The following TENM3 variants were observed in gnomAD, a reference collection of about 807,000 sequenced individuals.
The protein encoded by TENM3 is teneurin transmembrane protein 3.
A neutral mutation model predicts 255.1 loss-of-function variants in TENM3; 63 were observed. That is an observed-to-expected ratio of 0.25 (90% CI 0.20 to 0.30). TENM3 has a LOEUF of 0.30. Among genes scored for constraint, TENM3 ranks in the 10% least tolerant of loss-of-function variants. The pLI is 1.00. For synonymous variants in TENM3, 1,306 were observed against 1,322.3 expected (o/e 0.99, Z 0.27); for missense variants, 2,929 against 3,461.1 (o/e 0.85, Z 3.86).
At chr4:182,352,161 A>G (rs1235339376) in intron 3 of TENM3, among the ~76,000 whole-genome samples, 1 of 149,500 alleles carries the variant, frequency 6.7e-6, no homozygotes, top group Non-Finnish European at 1.5e-5. Flanking sequence ...GTGTTCTGGC[A>G]AGATGGAGGA....
At chr4:181,704,341 G>C in the TENM3 span, among the ~76,000 whole-genome samples, 2 of 152,132 alleles carry the variant, frequency 1.3e-5, no homozygotes, top group Non-Finnish European at 2.9e-5. Flanking sequence ...TGTCCCAGGA[G>C]GAATATTGTC....
the TENM3 span, among the ~76,000 whole-genome samples, chr4:181,804,815 T>C: frequency 2.0e-5 from 3 of 152,000 alleles, no homozygotes; most frequent in Non-Finnish European, 4.4e-5. Context: ...TTTGATTCCA[T>C]CCTGGACAAC....
chr4:181,902,317 C>A, the TENM3 span, among the ~76,000 whole-genome samples: 1 of 152,092 alleles, frequency 6.6e-6, no homozygotes, highest in Non-Finnish European at 1.5e-5. Flanking sequence ...CTTGTTCACT[C>A]TGATGATAGT....
At chr4:181,916,095 C>T in the TENM3 span, among the ~76,000 whole-genome samples, 2 of 151,578 alleles carry the variant, frequency 1.3e-5, no homozygotes, top group African/African-American at 4.8e-5. Flanking sequence ...AGCCCTCCCA[C>T]CCCAGGGGTT....
intron 3 of TENM3, among the ~76,000 whole-genome samples, chr4:182,355,482 C>T (rs927553400): frequency 6.6e-6 from 1 of 152,162 alleles, no homozygotes; most frequent in Admixed American, 6.6e-5. Flanking sequence ...AGAGCAACCT[C>T]CCTGGGGACA....
At chr4:182,011,280 C>G in the TENM3 span, among the ~76,000 whole-genome samples, 1 of 152,224 alleles carries the variant, frequency 6.6e-6, no homozygotes, top group African/African-American at 2.4e-5. Flanking sequence ...CTGATGGACA[C>G]CATCATACTC....
the TENM3 span, among the ~76,000 whole-genome samples, chr4:181,575,236 C>A: frequency 2.0e-5 from 3 of 152,182 alleles, no homozygotes; most frequent in Non-Finnish European, 2.9e-5. Flanking sequence ...AGCTCTACAT[C>A]TCCACTAAAA....
At chr4:182,236,150 T>G (rs535708271) in intron 1 of TENM3, among the ~76,000 whole-genome samples, 1 of 152,312 alleles carries the variant, frequency 6.6e-6, no homozygotes, top group East Asian at 1.9e-4. Context: ...ACACACTGTT[T>G]CCCCCAAGAG....
the TENM3 span, among the ~76,000 whole-genome samples, chr4:182,009,270 A>G: frequency 6.6e-6 from 1 of 152,120 alleles, no homozygotes; most frequent in Admixed American, 6.5e-5. Context: ...TGGTGGAGAC[A>G]GTGTGTTTCG....
the TENM3 span, among the ~76,000 whole-genome samples, chr4:182,070,447 A>G: frequency 1.3e-5 from 2 of 152,132 alleles, no homozygotes; most frequent in African/African-American, 4.8e-5. Context: ...AATAAAGCCC[A>G]TCTTTACTAA....
the TENM3 span, among the ~76,000 whole-genome samples, chr4:181,954,997 C>G: frequency 6.6e-6 from 1 of 152,156 alleles, no homozygotes; most frequent in African/African-American, 2.4e-5. Context: ...ACCTTAGCAC[C>G]TTTTCTGAAA....
intron 3 of TENM3, 62 bp downstream of exon 3, chr4:182,346,991 T>C (rs13105895): frequency 6.9e-5 from 49 of 713,292 alleles, no homozygotes; most frequent in South Asian, 8.7e-5. Context: ...TTTGGTTGAC[T>C]CCGCGGGGGG....
the TENM3 span, among the ~76,000 whole-genome samples, chr4:181,648,464 AAAC>A: frequency 6.6e-6 from 1 of 152,132 alleles, no homozygotes; most frequent in Non-Finnish European, 1.5e-5. Context: ...CTATCTTCCA[AAAC>A]AACAACAACA....
rs951614140 is a variant in TENM3 at position 182,478,372 on chromosome 4, G to A, written c.512-122552G>A. Among the ~76,000 whole-genome samples, 5 of 151,514 alleles carry A rather than the reference G, an allele frequency of 3.3e-5. No homozygotes were observed. In the East Asian group the frequency reaches 7.8e-4, roughly 23 times the overall value. ...TTAAAATATTTAATGGTTGATGTAC[G>A]GTACTTTGCTAATATTCATTCTGCT... is the stretch of plus-strand genomic sequence containing the variant. On this transcript the variant is annotated intron_variant, in intron 3 of 27. Transcript: ENST00000511685.
intron 3 of TENM3, among the ~76,000 whole-genome samples, chr4:182,480,651 T>C (rs1487099906): frequency 6.6e-6 from 1 of 152,100 alleles, no homozygotes; most frequent in Non-Finnish European, 1.5e-5. Context: ...ACTCTGTATC[T>C]TTGAAAACAG....
the TENM3 span, among the ~76,000 whole-genome samples, chr4:181,728,473 G>A: frequency 5.9e-5 from 9 of 152,334 alleles, no homozygotes; most frequent in Admixed American, 1.3e-4. Flanking sequence ...AAGGGATGGA[G>A]ATTCCCTGGA....
the TENM3 span, among the ~76,000 whole-genome samples, chr4:181,544,325 A>G: frequency 6.7e-6 from 1 of 149,874 alleles, no homozygotes; most frequent in Non-Finnish European, 1.5e-5. Flanking sequence ...CTAACTAGTT[A>G]AGCTAAAATG....
intron 24 of TENM3, 51 bp downstream of exon 24, chr4:182,775,204 A>T (rs1300300743): frequency 6.4e-7 from 1 of 1,556,450 alleles, no homozygotes; most frequent in East Asian, 2.2e-5. Flanking sequence ...TGATCTGTGC[A>T]GATCATCCTG....
intron 3 of TENM3, among the ~76,000 whole-genome samples, chr4:182,427,482 AGTCAGGC>A: frequency 6.6e-6 from 1 of 152,300 alleles, no homozygotes; most frequent in African/African-American, 2.4e-5. Context: ...TTAAGGTAAA[AGTCAGGC>A]TGCGGTTATA....
Sources: allele counts gnomAD v4.1 joint callset (sites outside exome capture counted in the v4.1 genomes callset), GRCh38; gene constraint gnomAD v4.1.1; transcripts MANE v1.5; gene names NCBI Gene and HGNC (gene_info 2026-07-23, HGNC 2026-07-21).